Variants in SGCG observed in about 807,000 individuals in gnomAD.
The protein encoded by SGCG is sarcoglycan gamma, also known as gamma-sarcoglycan.
A neutral mutation model predicts 29.3 loss-of-function variants in SGCG; 26 were observed. That is an observed-to-expected ratio of 0.89 (90% CI 0.65 to 1.23). SGCG has a LOEUF of 1.23. Ranked by LOEUF, SGCG falls within the 50% of genes most tolerant of loss-of-function variation. SGCG has a pLI of 0.00. For synonymous variants in SGCG, 145 were observed against 129.7 expected (o/e 1.12, Z -0.80); for missense variants, 353 against 356.0 (o/e 0.99, Z 0.07).
At chr13:23,222,633 C>CT (rs1799619035) in intron 2 of SGCG, among the ~76,000 whole-genome samples, 1 of 151,944 alleles carries the variant, frequency 6.6e-6, no homozygotes, top group Admixed American at 6.6e-5. Flanking sequence ...TGAGACCACC[C>CT]TGGCCAACAT....
rs116142476 is a variant in SGCG at position 23,188,109 on chromosome 13, A to G, written c.-1+7034A>G. Among the ~76,000 whole-genome samples the G allele has an allele frequency of 3.1e-3, 467 of 152,266 alleles. 3 individuals are homozygous for G. Among genetic ancestry groups the G allele is most frequent in the African/African-American group, 0.011 (447 of 41,534 alleles). ...ATTCTGTAAATGGGTTAATTTTTCC[A>G]AGGCCAGAACCTGAAGTGGTCTAGG... is the stretch of plus-strand genomic sequence containing the variant. On this transcript the variant is annotated intron_variant, in intron 1 of 7. Coordinates refer to ENST00000218867, the MANE Select transcript of SGCG (RefSeq NM_000231.3).
At chr13:23,296,026 C>A (rs78853471) in intron 6 of SGCG, among the ~76,000 whole-genome samples, 2,003 of 152,340 alleles carry the variant, frequency 0.013, 24 homozygotes, top group Middle Eastern at 0.034. Context: ...TCATGAATGT[C>A]TGCTCATCCC....
intron 4 of SGCG, among the ~76,000 whole-genome samples, chr13:23,261,457 T>C (rs1010083646): frequency 1.3e-5 from 2 of 151,628 alleles, no homozygotes; most frequent in Non-Finnish European, 2.9e-5. Context: ...CAGACACAAA[T>C]AAAGAAAAAC....
At chr13:23,201,576 CGT>C (rs1877768768) in intron 1 of SGCG, among the ~76,000 whole-genome samples, 1 of 152,078 alleles carries the variant, frequency 6.6e-6, no homozygotes. Context: ...AGGCAAGCAA[CGT>C]CTCCCCTCCA....
At chr13:23,227,445 T>G (rs1002093210) in intron 2 of SGCG, among the ~76,000 whole-genome samples, 2 of 152,200 alleles carry the variant, frequency 1.3e-5, no homozygotes, top group African/African-American at 4.8e-5. Flanking sequence ...TTTTGACAGT[T>G]CTTGTTCTTA....
chr13:23,213,290 A>C (rs947544216), intron 2 of SGCG, among the ~76,000 whole-genome samples: 1 of 152,186 alleles, frequency 6.6e-6, no homozygotes, highest in Non-Finnish European at 1.5e-5. Flanking sequence ...CCTGGCCTAC[A>C]TGGCAAAACC....
intron 1 of SGCG, among the ~76,000 whole-genome samples, chr13:23,190,214 TGA>T (rs549558875): frequency 9.9e-5 from 15 of 152,134 alleles, no homozygotes; most frequent in Non-Finnish European, 2.1e-4. Context: ...AATTGGTATT[TGA>T]GAGTCTTGAT....
intron 1 of SGCG, among the ~76,000 whole-genome samples, chr13:23,189,631 T>G (rs1447971235): frequency 6.6e-6 from 1 of 152,166 alleles, no homozygotes; most frequent in East Asian, 1.9e-4. Context: ...TCAACAGATA[T>G]TGGTAGGATT....
At chr13:23,209,148 A>C (rs1878098915) in intron 2 of SGCG, among the ~76,000 whole-genome samples, 1 of 152,144 alleles carries the variant, frequency 6.6e-6, no homozygotes, top group Admixed American at 6.5e-5. Context: ...TCATAATACT[A>C]AATGTTATCA....
intron 3 of SGCG, chr13:23,245,459 T>C (rs879280989): frequency 1.3e-5 from 2 of 152,126 alleles, no homozygotes; most frequent in Non-Finnish European, 2.9e-5. Flanking sequence ...AGGCTGTCAC[T>C]AGTTCACAAT....
chr13:23,207,563 T>C (rs1349949379), intron 2 of SGCG, among the ~76,000 whole-genome samples: 1 of 152,074 alleles, frequency 6.6e-6, no homozygotes, highest in Non-Finnish European at 1.5e-5. Flanking sequence ...GCAAACTATA[T>C]AACTGATAAG....
the SGCG span, among the ~76,000 whole-genome samples, chr13:23,173,081 G>A: frequency 6.6e-6 from 1 of 152,186 alleles, no homozygotes; most frequent in Non-Finnish European, 1.5e-5. Flanking sequence ...AGCTCTGTCA[G>A]TTATTTTATA....
chr13:23,210,568 G>C (rs542148402), intron 2 of SGCG, among the ~76,000 whole-genome samples: 1 of 152,244 alleles, frequency 6.6e-6, no homozygotes, highest in African/African-American at 2.4e-5. Flanking sequence ...GCGGGCGCCT[G>C]TAGTCCCAGC....
intron 6 of SGCG, among the ~76,000 whole-genome samples, chr13:23,313,833 A>C (rs1336038191): frequency 6.6e-6 from 1 of 152,200 alleles, no homozygotes; most frequent in South Asian, 2.1e-4. Flanking sequence ...CATTTGAGTC[A>C]GTGGGCTGGG....
At chr13:23,304,554 C>G (rs1882292292) in intron 6 of SGCG, among the ~76,000 whole-genome samples, 1 of 152,012 alleles carries the variant, frequency 6.6e-6, no homozygotes, top group Admixed American at 6.6e-5. Flanking sequence ...ACCGGTCTCT[C>G]CATTCATGAG....
chr13:23,310,179 T>G (rs183512671), intron 6 of SGCG, among the ~76,000 whole-genome samples: 14 of 144,850 alleles, frequency 9.7e-5, no homozygotes. Flanking sequence ...CTCCGCCTCC[T>G]GGGTTCACGC....
At chr13:23,170,608 C>T in the SGCG span, 3 of 150,238 alleles carry the variant, frequency 2.0e-5, no homozygotes, top group Admixed American at 6.7e-5. Flanking sequence ...TGTCTTTTCC[C>T]CCAGCCTCAA....
the SGCG span, among the ~76,000 whole-genome samples, chr13:23,170,351 T>C: frequency 6.6e-6 from 1 of 152,064 alleles, no homozygotes; most frequent in Non-Finnish European, 1.5e-5. Flanking sequence ...ATTAGCTTAG[T>C]GAGGGTAGTA....
chr13:23,237,367 T>C (rs1287248150), intron 3 of SGCG, among the ~76,000 whole-genome samples: 1 of 152,192 alleles, frequency 6.6e-6, no homozygotes, highest in East Asian at 1.9e-4. Flanking sequence ...GAAATGATCA[T>C]CTGTGAAGTT....
Sources: gnomAD v4.1 joint callset for allele counts (sites outside exome capture counted in the v4.1 genomes callset) on GRCh38, gnomAD v4.1.1 for gene constraint, MANE v1.5 for transcripts, NCBI Gene and HGNC (gene_info 2026-07-23, HGNC 2026-07-21) for gene names.